The following MACROD2 variants were observed in gnomAD, a reference collection of about 807,000 sequenced individuals.
MACROD2 encodes the protein ADP-ribose glycohydrolase MACROD2.
MACROD2 carries 36 observed loss-of-function variants against 70.4 expected under a neutral mutation model. The ratio of observed to expected loss-of-function variants is 0.51; its 90% CI spans 0.39 to 0.68. The LOEUF is 0.68. Among genes scored for constraint, MACROD2 ranks in the 30% least tolerant of loss-of-function variants. MACROD2 has a pLI of 0.00. For synonymous variants in MACROD2, 172 were observed against 178.8 expected (o/e 0.96, Z 0.30); for missense variants, 496 against 538.4 (o/e 0.92, Z 0.78).
intron 4 of MACROD2, among the ~76,000 whole-genome samples, chr20:14,637,052 G>C (rs1984824887): frequency 6.6e-6 from 1 of 152,194 alleles, no homozygotes; most frequent in South Asian, 2.1e-4. Context: ...CTACAAACAA[G>C]ATGGGATTTG....
chr20:15,697,629 T>A (rs1334385342), intron 8 of MACROD2, among the ~76,000 whole-genome samples: 2 of 152,178 alleles, frequency 1.3e-5, no homozygotes, highest in Non-Finnish European at 2.9e-5. Flanking sequence ...GTCTTGATGA[T>A]CTGTCTAGTG....
chr20:15,487,279 C>T (rs945616913), intron 7 of MACROD2, among the ~76,000 whole-genome samples: 2 of 152,122 alleles, frequency 1.3e-5, no homozygotes, highest in African/African-American at 2.4e-5. Flanking sequence ...AAAAAGGTGT[C>T]ACAAGAGTCT....
chr20:15,705,457 T>C (rs2050519400), intron 8 of MACROD2, among the ~76,000 whole-genome samples: 1 of 152,176 alleles, frequency 6.6e-6, no homozygotes, highest in Non-Finnish European at 1.5e-5. Context: ...TCTCACTCTG[T>C]CGCCCAGGCT....
intron 8 of MACROD2, among the ~76,000 whole-genome samples, chr20:15,762,325 A>G (rs2051449418): frequency 1.3e-5 from 2 of 152,332 alleles, no homozygotes; most frequent in South Asian, 4.1e-4. Flanking sequence ...CCAGGGCCAG[A>G]GCTAGTAAGC....
intron 4 of MACROD2, among the ~76,000 whole-genome samples, chr20:14,563,382 A>G (rs961593381): frequency 5.9e-5 from 9 of 151,980 alleles, no homozygotes; most frequent in Non-Finnish European, 7.4e-5. Flanking sequence ...CATTATTTTA[A>G]TAAGTAAAAT....
chr20:15,218,359 T>G (rs1229069816), intron 5 of MACROD2, among the ~76,000 whole-genome samples: 2 of 152,226 alleles, frequency 1.3e-5, no homozygotes, highest in African/African-American at 2.4e-5. Context: ...CTAAGATTCT[T>G]GAACGGTCTG....
intron 8 of MACROD2, among the ~76,000 whole-genome samples, chr20:15,822,719 A>G (rs118041126): frequency 0.034 from 5,230 of 152,304 alleles, 133 homozygotes; most frequent in Middle Eastern, 0.092. Flanking sequence ...CATATTTGAA[A>G]TTATCCATCA....
At chr20:14,848,533 A>G (rs1230049110) in intron 5 of MACROD2, among the ~76,000 whole-genome samples, 1 of 152,090 alleles carries the variant, frequency 6.6e-6, no homozygotes, top group Non-Finnish European at 1.5e-5. Flanking sequence ...ACAGATTTAG[A>G]GCAAGTGCAT....
At position 15,187,555 on chromosome 20, in the gene MACROD2, A is replaced by G. The variant is rs2076542295; in HGVS notation, c.419-42385A>G. Among the ~76,000 whole-genome samples the G allele has an allele frequency of 3.9e-5, 6 of 152,272 alleles. No individual in the cohort carries two copies. The South Asian group carries it at 1.0e-3, about 26-fold the overall frequency. On this transcript the variant is annotated intron_variant, in intron 5 of 17. Coordinates refer to ENST00000684519, the MANE Select transcript of MACROD2 (RefSeq NM_001351661.2). ...TCAATATATACTGGAACATCTCTCAATGATAACCAACAGCTTTTCCATGGA... is the reference window on the plus strand; with the variant it reads ...TCAATATATACTGGAACATCTCTCAGTGATAACCAACAGCTTTTCCATGGA...
intron 4 of MACROD2, among the ~76,000 whole-genome samples, chr20:14,553,856 A>C (rs1406606196): frequency 6.6e-6 from 1 of 152,258 alleles, no homozygotes; most frequent in Middle Eastern, 3.4e-3. Flanking sequence ...TTCCTTCAAC[A>C]CTTATTTCCT....
chr20:14,640,948 A>G (rs1438559547), intron 4 of MACROD2, among the ~76,000 whole-genome samples: 4 of 152,152 alleles, frequency 2.6e-5, no homozygotes, highest in Non-Finnish European at 5.9e-5. Context: ...AAATAAGAAA[A>G]CAAGTTTGAC....
At chr20:15,800,533 A>AG (rs148256599) in intron 8 of MACROD2, among the ~76,000 whole-genome samples, 4,765 of 152,284 alleles carry the variant, frequency 0.031, 342 homozygotes, top group East Asian at 0.3. Flanking sequence ...TATATTAAAG[A>AG]GGATGTCCTT....
intron 5 of MACROD2, among the ~76,000 whole-genome samples, chr20:14,924,277 A>C (rs1013230458): frequency 6.6e-6 from 1 of 152,000 alleles, no homozygotes; most frequent in South Asian, 2.1e-4. Flanking sequence ...TGTCTCTACT[A>C]AAAATACAGA....
chr20:14,192,936 A>T (rs77418366), intron 3 of MACROD2, among the ~76,000 whole-genome samples: 4,069 of 152,280 alleles, frequency 0.027, 53 homozygotes, highest in Non-Finnish European at 0.032. Context: ...AGTTATTGTC[A>T]AACAGTTTAA....
chr20:14,463,021 G>A (rs6079454), intron 3 of MACROD2, among the ~76,000 whole-genome samples: 39,878 of 151,528 alleles, frequency 0.26, 5,364 homozygotes, highest in Admixed American at 0.31. Context: ...AATGCGGGCT[G>A]TATTTTGGTT....
At chr20:14,179,373 A>G (rs1288885853) in intron 3 of MACROD2, among the ~76,000 whole-genome samples, 1 of 152,206 alleles carries the variant, frequency 6.6e-6, no homozygotes, top group African/African-American at 2.4e-5. Context: ...ATCTTTTTAC[A>G]TGGTAGGTCA....
intron 3 of MACROD2, among the ~76,000 whole-genome samples, chr20:14,220,679 G>A (rs565647535): frequency 6.6e-6 from 1 of 152,322 alleles, no homozygotes; most frequent in Non-Finnish European, 1.5e-5. Context: ...AGGGTACCCA[G>A]CGAGCTCCCA....
chr20:15,303,101 C>T (rs1298509432), intron 6 of MACROD2, among the ~76,000 whole-genome samples: 1 of 152,134 alleles, frequency 6.6e-6, no homozygotes, highest in Non-Finnish European at 1.5e-5. Context: ...TAATCTTCAT[C>T]TTCATACCTT....
intron 5 of MACROD2, among the ~76,000 whole-genome samples, chr20:14,858,324 G>A (rs187156622): frequency 6.6e-5 from 10 of 152,114 alleles, no homozygotes; most frequent in Non-Finnish European, 1.0e-4. Flanking sequence ...GAGACAAGCC[G>A]GCAGTGACCT....
Sources: gnomAD v4.1 joint callset for allele counts (sites outside exome capture counted in the v4.1 genomes callset) on GRCh38, gnomAD v4.1.1 for gene constraint, MANE v1.5 for transcripts, NCBI Gene and HGNC (gene_info 2026-07-23, HGNC 2026-07-21) for gene names.